The following CD163L1 variants were observed in gnomAD, a reference collection of about 807,000 sequenced individuals.
CD163L1 encodes the protein scavenger receptor cysteine-rich type 1 protein M160.
CD163L1 carries 124 observed loss-of-function variants against 165.4 expected under a neutral mutation model. That is an observed-to-expected ratio of 0.75 (90% CI 0.65 to 0.87). CD163L1 has a LOEUF of 0.87. Among genes scored for constraint, CD163L1 ranks in the 40% least tolerant of loss-of-function variants. CD163L1 has a pLI of 0.00. For missense variants in CD163L1, 1,525 were observed against 1,799.9 expected (o/e 0.85, Z 2.76); for synonymous variants, 585 against 662.2 (o/e 0.88, Z 1.79).
chr12:7,348,449 T>TCAACATTCA (rs1946685611), intron 4 of CD163L1, among the ~76,000 whole-genome samples: 1 of 152,230 alleles, frequency 6.6e-6, no homozygotes, highest in Admixed American at 6.5e-5. Flanking sequence ...AGTAGATTTC[T>TCAACATTCA]TAGTCCATGT....
rs1947821083 is a variant in CD163L1 at position 7,398,330 on chromosome 12, A to C, written c.1663T>G (p.Cys555Gly). ...CIGNESNIWD[C>G]EHSGWGKHNC... ...TGCTTTCCCCATCCACTGTGTTCAC[A>C]GTCCCAGATATTTGACTCATTTCCA... Residue 555 changes from cysteine (C) to glycine (G), a missense_variant, in exon 7 of 20, where the codon TGT becomes GGT. Coordinates refer to ENST00000313599, the MANE Select transcript of CD163L1 (RefSeq NM_174941.6). This position sits in a 1 kb window ranked among gnomAD's most constrained non-coding sequence, Gnocchi z 4.5. 2 of 1,614,194 alleles carry C rather than the reference A, an allele frequency of 1.2e-6. No individual in the cohort carries two copies. The highest frequency in any genetic ancestry group is 4.5e-5 in the East Asian group (2 of 44,878).
Position 7,432,643 on chromosome 12 carries a change from C to T in CD163L1, c.539G>A (p.Cys180Tyr). 6.2e-7 allele frequency: 1 copy of T among 1,614,178 alleles called. No individual in the cohort carries two copies. The highest frequency in any genetic ancestry group is 8.5e-7 in the Non-Finnish European group (1 of 1,180,034). ...VKFQERWGTI[C>Y]DDGWNLNTAA... is the part of the protein sequence containing the mutation. ...AGTATTCAAGTTCCACCCATCATCACATATAGTTCCCCACCTTTCTTGGAA... is the reference window on the plus strand; with the variant it reads ...AGTATTCAAGTTCCACCCATCATCATATATAGTTCCCCACCTTTCTTGGAA... Residue 180 changes from cysteine (C) to tyrosine (Y), a missense_variant, in exon 4 of 20, where the codon TGT becomes TAT. By Grantham distance (194) the Cys-to-Tyr change is radical. Transcript: ENST00000313599. The surrounding 1 kb of genome is among the most constrained non-coding windows in gnomAD (Gnocchi z 4.2).
the CD163L1 span, chr12:7,327,001 C>T: frequency 6.2e-7 from 1 of 1,611,920 alleles, no homozygotes; most frequent in South Asian, 1.1e-5. Context: ...GTTGTCTTAG[C>T]TGCACCCTTT....
intron 2 of CD163L1, chr12:7,440,002 C>G: frequency 1.3e-6 from 2 of 1,521,344 alleles, no homozygotes; most frequent in Non-Finnish European, 1.8e-6. Context: ...AGCAGCTCCG[C>G]AAACCGCCGA....
intron 8 of CD163L1, among the ~76,000 whole-genome samples, chr12:7,389,958 ATT>A (rs917330105): frequency 1.7e-4 from 19 of 114,888 alleles, no homozygotes; most frequent in Admixed American, 3.0e-4. Flanking sequence ...ATATATATAT[ATT>A]TATATATATA....
chr12:7,406,717 T>C lies in CD163L1; in HGVS notation c.902A>G (p.Lys301Arg). 6.2e-7 allele frequency: 1 copy of C among 1,614,080 alleles called. No homozygotes were observed. The highest frequency in any genetic ancestry group is 8.5e-7 in the Non-Finnish European group (1 of 1,179,994). Residue 301 changes from lysine (K) to arginine (R), a missense_variant, in exon 5 of 20, where the codon AAG becomes AGG. Lys to Arg is a conservative substitution (Grantham distance 26). Transcript: ENST00000313599. ...AAGTGCGGTTCCACATCCCAACTGC[T>C]TGCATACGACATCAGCTGCAGCATT... The part of the protein sequence containing the change: ...WNNAAADVVC[K>R]QLGCGTALHF...
chr12:7,440,600 T>C (rs1302517840), intron 2 of CD163L1, among the ~76,000 whole-genome samples: 1 of 151,758 alleles, frequency 6.6e-6, no homozygotes, highest in Non-Finnish European at 1.5e-5. Context: ...TGAGACATTT[T>C]ACGTTTGGAA....
intron 4 of CD163L1, among the ~76,000 whole-genome samples, chr12:7,416,193 T>TC (rs1175868413): frequency 6.6e-6 from 1 of 152,254 alleles, no homozygotes; most frequent in African/African-American, 2.4e-5. Context: ...GAGCTTTTTT[T>TC]CATATGTTTG....
intron 2 of CD163L1, among the ~76,000 whole-genome samples, chr12:7,438,429 A>G (rs921746263): frequency 6.6e-6 from 1 of 152,196 alleles, no homozygotes; most frequent in African/African-American, 2.4e-5. Flanking sequence ...ATAGTGGTAT[A>G]CTCAAGACAA....
chr12:7,324,996 A>G, the CD163L1 span, among the ~76,000 whole-genome samples: 1 of 152,188 alleles, frequency 6.6e-6, no homozygotes, highest in Non-Finnish European at 1.5e-5. Flanking sequence ...CTTGATAGCA[A>G]CCAACTCCAG....
At chr12:7,342,996 T>C (rs768577696), downstream of CD163L1, among the ~76,000 whole-genome samples, 1 of 152,276 alleles carries the variant, frequency 6.6e-6, no homozygotes, top group Admixed American at 6.5e-5. Context: ...TTTGTTCACC[T>C]CTCTCAACTA....
the CD163L1 span, among the ~76,000 whole-genome samples, chr12:7,332,610 G>A: frequency 2.0e-5 from 3 of 152,228 alleles, no homozygotes; most frequent in Non-Finnish European, 2.9e-5. Context: ...CAAACCAGAA[G>A]AGAGTGGGGG....
the CD163L1 span, chr12:7,328,184 G>A: frequency 8.5e-6 from 7 of 825,678 alleles, no homozygotes; most frequent in Admixed American, 5.3e-5. Flanking sequence ...AGATAATCTC[G>A]ACTTTAAAAT....
chr12:7,379,571 C>T (rs1328361804), intron 8 of CD163L1, among the ~76,000 whole-genome samples: 5 of 152,128 alleles, frequency 3.3e-5, no homozygotes, highest in African/African-American at 9.7e-5. Flanking sequence ...GTTTTACTTA[C>T]AAAATCTTAT....
intron 9 of CD163L1, among the ~76,000 whole-genome samples, 171 bp downstream of exon 9, chr12:7,378,807 A>G (rs1947324262): frequency 6.6e-6 from 1 of 152,184 alleles, no homozygotes; most frequent in Admixed American, 6.5e-5. Flanking sequence ...ACAGTTATTT[A>G]ATTATATATT....
At chr12:7,406,939 A>G in intron 4 of CD163L1, 87 bp from the exon 5 acceptor site, 1 of 1,176,894 alleles carries the variant, frequency 8.5e-7, no homozygotes, top group Non-Finnish European at 1.2e-6. Context: ...ATAAACACAA[A>G]TATATAATAA....
intron 18 of CD163L1, among the ~76,000 whole-genome samples, chr12:7,362,282 T>C (rs927168401): frequency 5.7e-5 from 8 of 141,380 alleles, no homozygotes; most frequent in African/African-American, 2.1e-4. Context: ...TTATATATTA[T>C]AGATTATATA....
At chr12:7,403,184 T>A (rs1947946824) in intron 6 of CD163L1, among the ~76,000 whole-genome samples, 1 of 127,344 alleles carries the variant, frequency 7.9e-6, no homozygotes, top group Non-Finnish European at 1.5e-5. Context: ...AAATAAACAA[T>A]GTATATTATT....
At chr12:7,440,199 A>G (rs1455000749) in intron 2 of CD163L1, among the ~76,000 whole-genome samples, 2 of 152,128 alleles carry the variant, frequency 1.3e-5, no homozygotes, top group Non-Finnish European at 2.9e-5. Context: ...CGGACACTTA[A>G]CACTCGCGTC....
Sources: gnomAD v4.1 joint callset for allele counts (sites outside exome capture counted in the v4.1 genomes callset) on GRCh38, gnomAD v4.1.1 for gene constraint, Gnocchi (gnomAD v3.1) non-coding constraint, MANE v1.5 for transcripts, NCBI Gene and HGNC (gene_info 2026-07-23, HGNC 2026-07-21) for gene names.